The following CEP290 variants were observed in gnomAD, a reference collection of about 807,000 sequenced individuals.
CEP290 encodes centrosomal protein of 290 kDa.
CEP290 carries 317 observed loss-of-function variants against 344.9 expected under a neutral mutation model. That is an observed-to-expected ratio of 0.92 (90% confidence interval 0.84 to 1.01). The LOEUF is 1.01. CEP290 is among the 50% of genes least tolerant of loss of function. The pLI, the probability that CEP290 is intolerant of heterozygous loss-of-function variation, is 0.00. For missense variants in CEP290, 2,754 were observed against 2,761.4 expected (o/e 1.00, Z 0.06); for synonymous variants, 932 against 895.8 (o/e 1.04, Z -0.72).
chr12:88,077,959 A>G (rs917346880), intron 39 of CEP290, 41 bp from the exon 40 acceptor site: 18 of 840,928 alleles, frequency 2.1e-5, no homozygotes, highest in Non-Finnish European at 3.3e-5. Context: ...TGACTCTTCA[A>G]GAAGTATCAA....
chr12:88,133,811 TTAA>T (rs1289839819), intron 6 of CEP290, among the ~76,000 whole-genome samples: 1 of 152,200 alleles, frequency 6.6e-6, no homozygotes, highest in Non-Finnish European at 1.5e-5. Context: ...CAATTGAAAG[TTAA>T]TAATCCCACT....
At chr12:88,059,864 A>T (rs2034325803) in intron 48 of CEP290, 34 bp downstream of exon 48, 2 of 1,528,726 alleles carry the variant, frequency 1.3e-6, no homozygotes, top group Non-Finnish European at 1.8e-6. Context: ...GTAAAATAAA[A>T]ATCAAAAGTT....
chr12:88,125,948 T>C (rs528328334), intron 12 of CEP290, among the ~76,000 whole-genome samples: 7 of 152,188 alleles, frequency 4.6e-5, no homozygotes, highest in Admixed American at 4.6e-4. Context: ...TTTCACATTG[T>C]ATAGGGTATG....
chr12:88,078,963 CTA>C, intron 39 of CEP290, 127 bp downstream of exon 39: 1 of 641,148 alleles, frequency 1.6e-6, no homozygotes, highest in Non-Finnish European at 2.4e-6. Context: ...ATGTGTGTGT[CTA>C]TGTCTAGCCA....
chr12:88,084,575 T>C lies in CEP290; in HGVS notation c.4704+11A>G, dbSNP rs1592836648. 6.3e-7 allele frequency: 1 copy of C among 1,596,812 alleles called. No homozygotes were observed. Among genetic ancestry groups the C allele is most frequent in the Non-Finnish European group, 8.6e-7 (1 of 1,166,142 alleles). On this transcript the variant is annotated intron_variant, in intron 35 of 53. Coordinates refer to ENST00000552810, the MANE Select transcript of CEP290 (RefSeq NM_025114.4). ...ATGGATAACAGCATAACTCATAATA[T>C]AATAAAATACCTCTCTGGCTTTTTC...
At chr12:88,111,372 A>G (rs752707865) in intron 21 of CEP290, 21 bp from the exon 22 acceptor site, 19 of 1,556,780 alleles carry the variant, frequency 1.2e-5, no homozygotes, top group Non-Finnish European at 1.6e-5. Flanking sequence ...AAATCCAGCA[A>G]TGAGAATCAC....
intron 18 of CEP290, chr12:88,115,738 C>T (rs1472565678): frequency 2.1e-6 from 2 of 935,100 alleles, no homozygotes; most frequent in African/African-American, 1.8e-5. Context: ...AGAACAACCA[C>T]AGAAATATAA....
chr12:88,098,879 C>G (rs1461037771), intron 26 of CEP290, among the ~76,000 whole-genome samples: 1 of 151,978 alleles, frequency 6.6e-6, no homozygotes, highest in Non-Finnish European at 1.5e-5. Flanking sequence ...AGCACCCAAG[C>G]AGAGTAAGCA....
chr12:88,124,034 C>T (rs916041106), intron 13 of CEP290, among the ~76,000 whole-genome samples: 1 of 152,066 alleles, frequency 6.6e-6, no homozygotes, highest in African/African-American at 2.4e-5. Flanking sequence ...CCCAAACCAC[C>T]ATCACTTTTC....
At chr12:88,102,407 A>C (rs1440503833) in intron 26 of CEP290, among the ~76,000 whole-genome samples, 1 of 152,196 alleles carries the variant, frequency 6.6e-6, no homozygotes, top group Non-Finnish European at 1.5e-5. Flanking sequence ...AAGGAACAAA[A>C]GCCAGGGACC....
chr12:88,056,772 G>GC (rs1171035247), intron 49 of CEP290, among the ~76,000 whole-genome samples: 2 of 152,164 alleles, frequency 1.3e-5, no homozygotes, highest in Admixed American at 1.3e-4. Context: ...AAAGATGTCA[G>GC]CATGAGCAAG....
intron 11 of CEP290, among the ~76,000 whole-genome samples, chr12:88,128,475 G>A (rs2039865708): frequency 6.6e-6 from 1 of 152,162 alleles, no homozygotes; most frequent in Admixed American, 6.6e-5. Context: ...TAAGGTTGGA[G>A]AGTGGTGGTG....
In CEP290 at chr12:88,132,617, CAG is replaced by C. The variant is rs1388009326; in HGVS notation, c.442-1401_442-1400del. Among the ~76,000 whole-genome samples the C allele has an allele frequency of 5.9e-5, 9 of 152,168 alleles. 1 individual carries two copies. Among genetic ancestry groups the C allele is most frequent in the African/African-American group, 2.2e-4 (9 of 41,510 alleles). ...AAAATGTGATTGAACAAACAAGAGA[CAG>C]AGAAATACATGTGTGTGTAAAAATA... On this transcript the variant is annotated intron_variant, in intron 6 of 53. Coordinates refer to ENST00000552810, the MANE Select transcript of CEP290 (RefSeq NM_025114.4).
intron 41 of CEP290, among the ~76,000 whole-genome samples, chr12:88,072,605 A>C (rs549453035): frequency 1.3e-5 from 2 of 152,186 alleles, no homozygotes; most frequent in African/African-American, 2.4e-5. Context: ...GCTTCTAACA[A>C]GAATCCTCTG....
At chr12:88,068,334 T>C (rs2035095216) in intron 44 of CEP290, among the ~76,000 whole-genome samples, 188 bp downstream of exon 44, 1 of 152,036 alleles carries the variant, frequency 6.6e-6, no homozygotes, top group Non-Finnish European at 1.5e-5. Context: ...AGTTTACTGT[T>C]ATTATGTTAA....
At chr12:88,115,898 T>C in intron 18 of CEP290, 1 of 983,960 alleles carries the variant, frequency 1.0e-6, no homozygotes, top group Non-Finnish European at 1.2e-6. Flanking sequence ...TATTTTTCAA[T>C]ATCTCTGTCT....
In CEP290 at chr12:88,140,988, G is replaced by GT. The variant is rs2040620931; in HGVS notation, c.147dup (p.His50ThrfsTer35). 6.3e-7 allele frequency: 1 copy of GT among 1,591,388 alleles called. No individual in the cohort carries two copies. The highest frequency in any genetic ancestry group is 8.5e-7 in the Non-Finnish European group (1 of 1,171,620). ...AGTGACTGAGTAATTCTGAAAAGGT[G>GT]TATCACATTTTCTTGCTTTTCACTT... On this transcript the variant is annotated frameshift_variant, in exon 3 of 54. Coordinates refer to ENST00000552810, the MANE Select transcript of CEP290 (RefSeq NM_025114.4). LOFTEE classifies it high-confidence loss of function.
intron 20 of CEP290, among the ~76,000 whole-genome samples, chr12:88,112,485 G>C (rs1217041499): frequency 6.6e-6 from 1 of 152,028 alleles, no homozygotes; most frequent in Non-Finnish European, 1.5e-5. Context: ...AAAATAATAT[G>C]TCAAATATTA....
chr12:88,117,856 T>C (rs2039148934), intron 17 of CEP290, among the ~76,000 whole-genome samples: 1 of 151,872 alleles, frequency 6.6e-6, no homozygotes, highest in Non-Finnish European at 1.5e-5. Flanking sequence ...GCCAACATGG[T>C]GAAACCCTGT....
Sources: allele counts gnomAD v4.1 joint callset (sites outside exome capture counted in the v4.1 genomes callset), GRCh38; gene constraint gnomAD v4.1.1; transcripts MANE v1.5; gene names NCBI Gene and HGNC (gene_info 2026-07-23, HGNC 2026-07-21).